Variants in NFIB observed in about 807,000 individuals in gnomAD.
NFIB encodes nuclear factor 1 B-type.
NFIB carries 11 observed loss-of-function variants against 61.5 expected under a neutral mutation model. That is an observed-to-expected ratio of 0.18 (90% confidence interval 0.11 to 0.30). NFIB has a LOEUF of 0.30. Ranked by LOEUF, NFIB falls within the 10% of genes least tolerant of loss-of-function variation. NFIB has a pLI of 1.00. For missense variants in NFIB, 471 were observed against 608.9 expected, an observed-to-expected ratio of 0.77 and a Z score of 2.38; for synonymous variants, 260 against 216.5, an observed-to-expected ratio of 1.20 and a Z score of -1.76.
chr9:14,348,676 G>C (rs1485966673), intron 1 of NFIB, among the ~76,000 whole-genome samples: 1 of 152,226 alleles, frequency 6.6e-6, no homozygotes, highest in East Asian at 1.9e-4. Context: ...GGATGGCTCT[G>C]GGGGTGCCAC....
chr9:14,271,703 G>T (rs1476869031), intron 2 of NFIB, among the ~76,000 whole-genome samples: 1 of 152,138 alleles, frequency 6.6e-6, no homozygotes, highest in Non-Finnish European at 1.5e-5. Context: ...GGAGCAAAAT[G>T]AGATAAAGTC....
At chr9:14,492,361 T>TC in the NFIB span, among the ~76,000 whole-genome samples, 1 of 116,748 alleles carries the variant, frequency 8.6e-6, no homozygotes, top group East Asian at 2.6e-4. Flanking sequence ...AGACTTTGCC[T>TC]CAAAATAAAT....
At position 14,242,349 on chromosome 9, in the gene NFIB, T is replaced by G. The variant is rs568056442; in HGVS notation, c.563-62569A>C. ...GTATTTGCTTTTTCCATTGCAAACC[T>G]ACAAGGATTCCTTCAGACTTACAAA... On this transcript the variant is annotated intron_variant, in intron 2 of 10. Coordinates refer to ENST00000380953, the MANE Select transcript of NFIB (RefSeq NM_001190737.2). Among the ~76,000 whole-genome samples the G allele has an allele frequency of 8.8e-4, 134 of 152,314 alleles. 1 individual carries two copies. Among genetic ancestry groups the G allele is most frequent in the African/African-American group, 3.2e-3 (133 of 41,566 alleles).
chr9:14,333,000 C>A (rs1397299524), intron 1 of NFIB, among the ~76,000 whole-genome samples: 1 of 152,140 alleles, frequency 6.6e-6, no homozygotes, highest in Non-Finnish European at 1.5e-5. Flanking sequence ...AGCCTACAGT[C>A]AATCAGGGGT....
At chr9:14,462,271 T>A in the NFIB span, among the ~76,000 whole-genome samples, 1 of 152,014 alleles carries the variant, frequency 6.6e-6, no homozygotes, top group Admixed American at 6.6e-5. Flanking sequence ...TTTTTTCTTT[T>A]TTTTCTTTTT....
intron 1 of NFIB, among the ~76,000 whole-genome samples, chr9:14,388,779 T>C (rs2061585753): frequency 6.6e-6 from 1 of 152,138 alleles, no homozygotes; most frequent in African/African-American, 2.4e-5. Flanking sequence ...ATAAAACAAA[T>C]GTGGCAATAA....
At chr9:14,446,213 C>T in the NFIB span, among the ~76,000 whole-genome samples, 1 of 152,118 alleles carries the variant, frequency 6.6e-6, no homozygotes, top group Admixed American at 6.6e-5. Context: ...AATAGTGTGT[C>T]TAAGTATGGA....
At chr9:14,092,648 A>T (rs1207583699) in intron 10 of NFIB, among the ~76,000 whole-genome samples, 1 of 152,078 alleles carries the variant, frequency 6.6e-6, no homozygotes, top group Admixed American at 6.6e-5. Context: ...TACAAGCTGG[A>T]TTATAACCTA....
intron 10 of NFIB, among the ~76,000 whole-genome samples, chr9:14,089,826 A>T (rs939646562): frequency 6.6e-5 from 10 of 152,156 alleles, no homozygotes; most frequent in South Asian, 6.2e-4. Flanking sequence ...AATTTTTTTT[A>T]AAACTTGATA....
chr9:14,500,418 A>T, the NFIB span, among the ~76,000 whole-genome samples: 2 of 152,162 alleles, frequency 1.3e-5, no homozygotes, highest in Non-Finnish European at 2.9e-5. Flanking sequence ...GGCTGGGTCA[A>T]CTAACGTTAG....
intron 1 of NFIB, among the ~76,000 whole-genome samples, chr9:14,327,184 T>C (rs2060765325): frequency 6.6e-6 from 1 of 152,186 alleles, no homozygotes; most frequent in Non-Finnish European, 1.5e-5. Context: ...ACGAAAGCGC[T>C]AGACAGTCTA....
intron 2 of NFIB, among the ~76,000 whole-genome samples, chr9:14,183,530 A>C (rs1452028425): frequency 6.6e-6 from 1 of 151,846 alleles, no homozygotes; most frequent in Non-Finnish European, 1.5e-5. Flanking sequence ...CAGCCTCCCG[A>C]GTAGCTAGGA....
At chr9:14,499,300 G>A in the NFIB span, among the ~76,000 whole-genome samples, 264 of 152,262 alleles carry the variant, frequency 1.7e-3, no homozygotes, top group Middle Eastern at 3.4e-3. Context: ...GGATGGTGGA[G>A]GTAGCAGGAG....
intron 1 of NFIB, among the ~76,000 whole-genome samples, chr9:14,335,554 G>C (rs1183397945): frequency 6.6e-6 from 1 of 152,120 alleles, no homozygotes; most frequent in African/African-American, 2.4e-5. Context: ...TTTTCTTACT[G>C]AATTTTTAAG....
intron 2 of NFIB, among the ~76,000 whole-genome samples, chr9:14,271,298 G>T (rs2057602075): frequency 6.6e-6 from 1 of 151,540 alleles, no homozygotes; most frequent in South Asian, 2.1e-4. Context: ...CATCTGCTTG[G>T]CAGCTTTTCA....
intron 2 of NFIB, among the ~76,000 whole-genome samples, chr9:14,281,033 T>C (rs911434188): frequency 6.6e-6 from 1 of 152,158 alleles, no homozygotes; most frequent in African/African-American, 2.4e-5. Context: ...CAAAATGGGA[T>C]ATTATATTTT....
At chr9:14,315,718 C>T (rs922792066), upstream of NFIB, among the ~76,000 whole-genome samples, 1 of 151,596 alleles carries the variant, frequency 6.6e-6, no homozygotes, top group African/African-American at 2.4e-5. Context: ...GGCGGTTCGC[C>T]TTGCACCCTT....
At chr9:14,390,932 A>G (rs1043835735) in intron 1 of NFIB, among the ~76,000 whole-genome samples, 3 of 152,240 alleles carry the variant, frequency 2.0e-5, no homozygotes, top group Non-Finnish European at 1.5e-5. Context: ...ATTATAACCA[A>G]AAGTGAAGCA....
intron 10 of NFIB, among the ~76,000 whole-genome samples, chr9:14,098,312 T>C (rs549674295): frequency 9.5e-4 from 145 of 152,204 alleles, no homozygotes; most frequent in Non-Finnish European, 1.7e-3. Context: ...ACTTGTGGCT[T>C]TGCGTTTTCT....
Sources: allele counts gnomAD v4.1 joint callset (sites outside exome capture counted in the v4.1 genomes callset), GRCh38; gene constraint gnomAD v4.1.1; transcripts MANE v1.5; gene names NCBI Gene and HGNC (gene_info 2026-07-23, HGNC 2026-07-21).